The following FAM135B variants were observed in gnomAD, a reference collection of about 807,000 sequenced individuals.
FAM135B encodes the protein protein FAM135B.
In FAM135B, 43 loss-of-function variants were observed where a neutral mutation model predicts 127.7. That is an observed-to-expected ratio of 0.34 (90% confidence interval 0.26 to 0.43). FAM135B has a LOEUF of 0.43. Among genes scored for constraint, FAM135B ranks in the 20% least tolerant of loss-of-function variants. The probability of loss-of-function intolerance (pLI) is 1.00; values close to 1 mark genes in which losing one functional copy is unlikely to be tolerated. For synonymous variants in FAM135B, 670 were observed against 665.1 expected, an observed-to-expected ratio of 1.01 and a Z score of -0.11; for missense variants, 1,558 against 1,725.6, an observed-to-expected ratio of 0.90 and a Z score of 1.72.
chr8:138,226,181 G>GTA (rs1819419822), intron 7 of FAM135B, among the ~76,000 whole-genome samples: 2 of 144,658 alleles, frequency 1.4e-5, no homozygotes, highest in Admixed American at 6.9e-5. Flanking sequence ...GTGTGTGTGT[G>GTA]TGTGCGCGCA....
Position 138,399,485 on chromosome 8 carries a change from A to G in FAM135B, c.-19-31483T>C, listed in dbSNP as rs184832137. Among the ~76,000 whole-genome samples the G allele has an allele frequency of 5.9e-5, 9 of 152,294 alleles. No homozygotes were observed. In the East Asian group the frequency reaches 1.7e-3, roughly 29 times the overall value. On this transcript the variant is annotated intron_variant, in intron 1 of 19. Transcript: ENST00000395297. ...CCAGGGCAGAAGCGAGGCATTTTTT[A>G]GGATTCACTGAAGGAACACAGGAAA...
chr8:138,304,159 G>A (rs1228664828), intron 3 of FAM135B, among the ~76,000 whole-genome samples: 1 of 152,162 alleles, frequency 6.6e-6, no homozygotes, highest in Admixed American at 6.5e-5. Flanking sequence ...AGCCCATCAG[G>A]CAACTTGGGA....
At chr8:138,306,732 A>C (rs1395357385) in intron 3 of FAM135B, among the ~76,000 whole-genome samples, 1 of 151,952 alleles carries the variant, frequency 6.6e-6, no homozygotes, top group African/African-American at 2.4e-5. Context: ...ACAGGTGTGC[A>C]CCACCACGCC....
chr8:138,493,503 C>T (rs1014707800), intron 1 of FAM135B, among the ~76,000 whole-genome samples: 1 of 152,126 alleles, frequency 6.6e-6, no homozygotes, highest in Non-Finnish European at 1.5e-5. Flanking sequence ...GTATTGAGTG[C>T]CTGGCATGGC....
intron 1 of FAM135B, among the ~76,000 whole-genome samples, chr8:138,408,587 G>A (rs1271155427): frequency 1.3e-5 from 2 of 152,102 alleles, no homozygotes; most frequent in African/African-American, 2.4e-5. Flanking sequence ...GATAATTTAT[G>A]ATCAAAATAG....
At chr8:138,301,177 G>A (rs1177464882) in intron 3 of FAM135B, among the ~76,000 whole-genome samples, 3 of 152,134 alleles carry the variant, frequency 2.0e-5, no homozygotes, top group African/African-American at 7.2e-5. Flanking sequence ...TGCACTATGC[G>A]ATGTGGACCC....
At chr8:138,201,446 AT>A (rs992956599) in intron 7 of FAM135B, among the ~76,000 whole-genome samples, 4 of 152,328 alleles carry the variant, frequency 2.6e-5, no homozygotes, top group Admixed American at 2.0e-4. Context: ...TGAAAAAAAA[AT>A]ATACGGCTAG....
chr8:138,480,841 G>A (rs989681049), intron 1 of FAM135B, among the ~76,000 whole-genome samples: 3 of 152,216 alleles, frequency 2.0e-5, no homozygotes, highest in Admixed American at 6.5e-5. Context: ...TTTGGGTTCT[G>A]AGACTGATCA....
chr8:138,495,308 G>C (rs886065804), intron 1 of FAM135B, among the ~76,000 whole-genome samples: 3 of 152,114 alleles, frequency 2.0e-5, no homozygotes, highest in African/African-American at 7.2e-5. Flanking sequence ...TCACACAGCA[G>C]GTGCATGAGG....
chr8:138,487,616 C>T (rs1815029258), intron 1 of FAM135B, among the ~76,000 whole-genome samples: 1 of 148,640 alleles, frequency 6.7e-6, no homozygotes, highest in African/African-American at 2.5e-5. Flanking sequence ...CTACTCTCAT[C>T]CAAGCCCTAG....
At chr8:138,160,371 T>TTTTA (rs533597452) in intron 12 of FAM135B, among the ~76,000 whole-genome samples, 2,768 of 151,644 alleles carry the variant, frequency 0.018, 53 homozygotes, top group South Asian at 0.066. Flanking sequence ...TGGTGTCTGG[T>TTTTA]TTTATTTATT....
chr8:138,206,146 C>A (rs867204615), intron 7 of FAM135B, among the ~76,000 whole-genome samples: 1 of 142,790 alleles, frequency 7.0e-6, no homozygotes, highest in Admixed American at 7.0e-5. Flanking sequence ...CCTCCACCCA[C>A]GCACAGTTCA....
intron 1 of FAM135B, among the ~76,000 whole-genome samples, chr8:138,382,175 A>T (rs1001173052): frequency 6.6e-6 from 1 of 151,750 alleles, no homozygotes; most frequent in African/African-American, 2.4e-5. Context: ...CTTCTCACAC[A>T]CTCCAAGGCC....
At chr8:138,270,559 T>C (rs960334612) in intron 3 of FAM135B, among the ~76,000 whole-genome samples, 69 of 152,328 alleles carry the variant, frequency 4.5e-4, no homozygotes, top group African/African-American at 1.6e-3. Flanking sequence ...GACTAAGTAA[T>C]TCATAATGCA....
intron 11 of FAM135B, among the ~76,000 whole-genome samples, chr8:138,176,451 T>C (rs1249146564): frequency 1.3e-5 from 2 of 152,216 alleles, no homozygotes; most frequent in Non-Finnish European, 2.9e-5. Context: ...AAAGAATTAA[T>C]GAGTGAGTGA....
intron 1 of FAM135B, among the ~76,000 whole-genome samples, chr8:138,393,224 A>G (rs1421782131): frequency 6.6e-6 from 1 of 152,170 alleles, no homozygotes; most frequent in Non-Finnish European, 1.5e-5. Context: ...TGGGTGTACA[A>G]TTCAAGATGA....
intron 3 of FAM135B, among the ~76,000 whole-genome samples, chr8:138,297,295 C>G (rs1825546003): frequency 6.6e-6 from 1 of 152,184 alleles, no homozygotes; most frequent in Non-Finnish European, 1.5e-5. Context: ...GCTTGCATGA[C>G]CTAAGTAAAT....
At chr8:138,251,599 T>C (rs1416169958) in intron 5 of FAM135B, among the ~76,000 whole-genome samples, 4 of 152,206 alleles carry the variant, frequency 2.6e-5, no homozygotes, top group East Asian at 3.9e-4. Flanking sequence ...AATGCTTAGA[T>C]AGTCTGACTA....
chr8:138,268,773 A>G (rs112052972), intron 3 of FAM135B, among the ~76,000 whole-genome samples: 1 of 152,296 alleles, frequency 6.6e-6, no homozygotes, highest in African/African-American at 2.4e-5. Flanking sequence ...CTATGTGGTA[A>G]ATAGCCACTT....
Sources: gnomAD v4.1 joint callset for allele counts (sites outside exome capture counted in the v4.1 genomes callset) on GRCh38, gnomAD v4.1.1 for gene constraint, MANE v1.5 for transcripts, NCBI Gene and HGNC (gene_info 2026-07-23, HGNC 2026-07-21) for gene names.